Variants in PSMC4 observed in about 807,000 individuals in gnomAD.
PSMC4 encodes the protein proteasome 26S subunit, ATPase 4.
In PSMC4, 13 loss-of-function variants were observed where a neutral mutation model predicts 48.4. The observed-to-expected ratio is 0.27, with a 90% CI of 0.18 to 0.43. PSMC4 has a LOEUF of 0.43. Among genes scored for constraint, PSMC4 ranks in the 20% least tolerant of loss-of-function variants. PSMC4 has a pLI of 1.00. For missense variants in PSMC4, 262 were observed against 555.9 expected (o/e 0.47, Z 5.32); for synonymous variants, 202 against 212.3 (o/e 0.95, Z 0.42).
At chr19:39,976,778 T>G (rs551587884) in intron 6 of PSMC4, among the ~76,000 whole-genome samples, 2 of 151,720 alleles carry the variant, frequency 1.3e-5, no homozygotes, top group African/African-American at 2.4e-5. Flanking sequence ...CAAAGTGCTG[T>G]GATTACAGGC....
chr19:39,979,766 G>C, intron 6 of PSMC4, 51 bp from the exon 7 acceptor site: 1 of 1,525,316 alleles, frequency 6.6e-7, no homozygotes, highest in Non-Finnish European at 8.8e-7. Flanking sequence ...AAAGCAGAAT[G>C]GGCCCCTCAG....
rs1222145410 is a variant in PSMC4, at chr19:39,976,846, A to ATT, written c.673+2038_673+2039dup. 3.6e-3 allele frequency among the ~76,000 whole-genome samples: 381 copies of ATT among 105,730 alleles called. 3 individuals carry two copies. Among genetic ancestry groups the ATT allele is most frequent in the African/African-American group, 0.012 (297 of 25,276 alleles). The allele number at this position is 105,730 out of a possible 152,430, so 69.4% of individuals were successfully genotyped here. On this transcript the variant is annotated intron_variant, in intron 6 of 10. Coordinates refer to ENST00000157812, the MANE Select transcript of PSMC4 (RefSeq NM_006503.4). ...TAAAACATGAGATTTTTTGTGTGTGATTTTTTTTTTTTTTTTTTTTTGAGA... is the reference window on the plus strand; with the variant it reads ...TAAAACATGAGATTTTTTGTGTGTGATTTTTTTTTTTTTTTTTTTTTTTGAGA...
In PSMC4 at chr19:39,971,607, G is replaced by A. The variant is rs565336106; in HGVS notation, c.36+369G>A. On this transcript the variant is annotated intron_variant, in intron 1 of 10. Transcript: ENST00000157812. ...AGTGATCCCCGGGTCTGGGCTGCGG[G>A]GCTGACTGATGTTCAGGGCTTTGCT... Among the ~76,000 whole-genome samples the A allele has an allele frequency of 6.6e-5, 10 of 152,304 alleles. No homozygotes were observed. In the South Asian group the frequency reaches 2.1e-3, roughly 32 times the overall value.
chr19:39,981,333 C>T lies in PSMC4; in HGVS notation c.*28C>T, dbSNP rs368335326. 7.1e-6 allele frequency: 11 copies of T among 1,549,278 alleles called. No homozygotes were observed. In the African/African-American group the frequency reaches 1.1e-4, roughly 15 times the overall value. Reference sequence around the variant, plus strand: ...CTTCCCTTCCCTCCACCACACCACTCAGGGGCTGGGGCTTCTCTCGCACCC... The same window carrying T: ...CTTCCCTTCCCTCCACCACACCACTTAGGGGCTGGGGCTTCTCTCGCACCC... On this transcript the variant is annotated 3_prime_UTR_variant, in exon 11 of 11. Transcript: ENST00000157812.
intron 6 of PSMC4, among the ~76,000 whole-genome samples, chr19:39,975,570 G>C (rs1045721299): frequency 2.6e-5 from 4 of 152,070 alleles, no homozygotes; most frequent in African/African-American, 9.7e-5. Context: ...TATGTTTTCT[G>C]GGGCTAGACT....
chr19:39,981,179 C>T lies in PSMC4; in HGVS notation c.1144-13C>T, dbSNP rs1971281551. ...GCCACAGGAAGTAGATTTTAACTCT[C>T]ATCCTTCAACAGAGTGGAATGTTGG... On this transcript the variant is annotated splice_polypyrimidine_tract_variant and intron_variant, in intron 10 of 10. Transcript: ENST00000157812. The T allele has an allele frequency of 9.3e-6, 15 of 1,605,626 alleles. No individual in the cohort carries two copies. In the East Asian group the frequency reaches 2.9e-4, roughly 31 times the overall value.
chr19:39,974,184 C>T lies in PSMC4; in HGVS notation c.323-110C>T, dbSNP rs1217201861. 2 of 1,387,456 alleles carry T rather than the reference C, an allele frequency of 1.4e-6. No homozygotes were observed. Among genetic ancestry groups the T allele is most frequent in the African/African-American group, 2.9e-5 (2 of 69,740 alleles). 85.9% of individuals were successfully genotyped at this position (1,387,456 alleles called of 1,614,324 possible). On this transcript the variant is annotated intron_variant, in intron 3 of 10. Transcript: ENST00000157812. This position sits in a 1 kb window ranked among gnomAD's most constrained non-coding sequence, Gnocchi z 5.5. The stretch of plus-strand genomic sequence containing the variant: ...GGAAGGCTGGAGGCCGAGAGGGGAC[C>T]CCTCAGGGTCTGAACCAGAGATGTT...
chr19:39,979,728 T>A (rs1393635929), intron 6 of PSMC4, 89 bp from the exon 7 acceptor site: 11 of 1,300,222 alleles, frequency 8.5e-6, no homozygotes, highest in African/African-American at 1.5e-5. Context: ...AGGAAAAGGA[T>A]GTCTTCAAGG....
intron 6 of PSMC4, among the ~76,000 whole-genome samples, chr19:39,976,401 C>CAAAAA (rs757355957): frequency 6.7e-4 from 30 of 44,908 alleles, no homozygotes; most frequent in Non-Finnish European, 9.5e-4. Context: ...GACTCCGTCT[C>CAAAAA]AAAAAAAAAA....
In PSMC4 at chr19:39,980,156, T is replaced by G; in HGVS notation, c.918+10T>G. The G allele has an allele frequency of 6.2e-7, 1 of 1,613,896 alleles. No homozygotes were observed. The highest frequency in any genetic ancestry group is 1.3e-5 in the African/African-American group (1 of 74,924). ...GAATGTCAATGTCAAGGTTTGGGGT[T>G]TGGGATGGACAAGGGGAGGTGTGGT... On this transcript the variant is annotated intron_variant, in intron 8 of 10. Transcript: ENST00000157812. The surrounding 1 kb of genome is among the most constrained non-coding windows in gnomAD (Gnocchi z 4.8).
intron 3 of PSMC4, among the ~76,000 whole-genome samples, chr19:39,973,963 A>AT (rs11417582): frequency 0.19 from 28,846 of 152,042 alleles, 6,178 homozygotes; most frequent in African/African-American, 0.53. Flanking sequence ...AGTCCAGAGC[A>AT]CATGGGAGGT....
intron 6 of PSMC4, among the ~76,000 whole-genome samples, chr19:39,976,030 C>T (rs1019148418): frequency 2.0e-5 from 3 of 151,782 alleles, no homozygotes; most frequent in East Asian, 1.9e-4. Context: ...GGGAGGATCA[C>T]GAGATCAGGA....
intron 1 of PSMC4, among the ~76,000 whole-genome samples, chr19:39,971,484 A>AT (rs1245942635): frequency 1.3e-5 from 2 of 151,920 alleles, no homozygotes; most frequent in Non-Finnish European, 2.9e-5. Context: ...AGACGGATTG[A>AT]TTTCGAACCC....
chr19:39,971,342 G>T, intron 1 of PSMC4, 104 bp downstream of exon 1: 3 of 1,453,004 alleles, frequency 2.1e-6, no homozygotes. Context: ...CCCGGCCCAG[G>T]TTGGGGTTAT....
chr19:39,980,352 C>A lies in PSMC4; in HGVS notation c.985C>A (p.Arg329Ser). The A allele has an allele frequency of 2.5e-6, 4 of 1,614,036 alleles. No homozygotes were observed. The highest frequency in any genetic ancestry group is 3.4e-6 in the Non-Finnish European group (4 of 1,180,028). Residue 329 changes from arginine to serine, a missense_variant, in exon 9 of 11, where the codon CGT becomes AGT. By Grantham distance (110) the Arg-to-Ser change is moderately radical. This residue lies in a region of PSMC4 where 84 missense variants were observed against 157.8 expected (regional missense o/e 0.53). Transcript: ENST00000157812. The surrounding 1 kb of genome is among the most constrained non-coding windows in gnomAD (Gnocchi z 4.8). ...PALLRPGRLD[R>S]KIEFPLPDRR... ...CCTGCTACGGCCAGGACGGCTGGAC[C>A]GTAAAATTGAATTTCCACTTCCTGA...
intron 6 of PSMC4, 99 bp from the exon 7 acceptor site, chr19:39,979,718 A>T (rs1971259422): frequency 8.0e-7 from 1 of 1,247,522 alleles, no homozygotes; most frequent in Admixed American, 2.7e-5. Context: ...TGGGTATCCA[A>T]GGAAAAGGAT....
chr19:39,976,710 C>T (rs562731810), intron 6 of PSMC4, among the ~76,000 whole-genome samples: 9 of 151,932 alleles, frequency 5.9e-5, no homozygotes, highest in African/African-American at 1.9e-4. Context: ...GGGGTTTCAC[C>T]GTGTTAGCCA....
chr19:39,980,223 G>C lies in PSMC4; in HGVS notation c.919-63G>C. 6.2e-7 allele frequency: 1 copy of C among 1,613,668 alleles called. No individual in the cohort carries two copies. Among genetic ancestry groups the C allele is most frequent in the Admixed American group, 1.7e-5 (1 of 60,014 alleles). ...GTTGGGGGCTGGCACCTAAGGGGTG[G>C]TTATCGTGACAGGAAGGAGGTAGGA... On this transcript the variant is annotated intron_variant, in intron 8 of 10. Transcript: ENST00000157812. This position sits in a 1 kb window ranked among gnomAD's most constrained non-coding sequence, Gnocchi z 4.8.
intron 1 of PSMC4, 28 bp from the exon 2 acceptor site, chr19:39,972,118 C>A: frequency 6.3e-7 from 1 of 1,590,536 alleles, no homozygotes. Flanking sequence ...CTGTCTTCTT[C>A]CAATGTGAGT....
Sources: gnomAD v4.1 joint callset for allele counts (sites outside exome capture counted in the v4.1 genomes callset) on GRCh38, gnomAD v4.1.1 for gene constraint, gnomAD v4.1.1 regional missense constraint, Gnocchi (gnomAD v3.1) non-coding constraint, MANE v1.5 for transcripts, NCBI Gene and HGNC (gene_info 2026-07-23, HGNC 2026-07-21) for gene names.